SDK1: variants seen among roughly 807,000 people sequenced by gnomAD.
SDK1 encodes protein sidekick-1.
In SDK1, 157 loss-of-function variants were observed where a neutral mutation model predicts 245.5. The observed-to-expected ratio is 0.64, with a 90% CI of 0.56 to 0.73. The LOEUF (loss-of-function observed/expected upper bound fraction) is 0.73, where lower values mean the gene tolerates loss of function less well. Ranked by LOEUF, SDK1 falls within the 30% of genes least tolerant of loss-of-function variation. The probability of loss-of-function intolerance (pLI) is 0.00; values close to 1 mark genes in which losing one functional copy is unlikely to be tolerated. For synonymous variants in SDK1, 1,647 were observed against 1,278.5 expected, an observed-to-expected ratio of 1.29 and a Z score of -6.15; for missense variants, 3,583 against 3,002.3, an observed-to-expected ratio of 1.19 and a Z score of -4.52.
At chr7:4,115,391 G>A (rs1454211442) in intron 25 of SDK1, among the ~76,000 whole-genome samples, 1 of 152,170 alleles carries the variant, frequency 6.6e-6, no homozygotes, top group East Asian at 1.9e-4. Flanking sequence ...ATGGTGAACT[G>A]GGTCAGTGGC....
At chr7:3,414,596 T>C (rs1779309971) in intron 1 of SDK1, among the ~76,000 whole-genome samples, 1 of 152,198 alleles carries the variant, frequency 6.6e-6, no homozygotes, top group African/African-American at 2.4e-5. Flanking sequence ...CTTTGAGAGA[T>C]AATTTGTCTA....
chr7:3,663,011 G>C (rs930423683), intron 4 of SDK1, among the ~76,000 whole-genome samples: 6 of 152,214 alleles, frequency 3.9e-5, no homozygotes, highest in African/African-American at 1.4e-4. Context: ...TGCATGCATA[G>C]ATGTGTATGC....
At chr7:3,626,964 G>C (rs1265380558) in intron 2 of SDK1, among the ~76,000 whole-genome samples, 1 of 151,032 alleles carries the variant, frequency 6.6e-6, no homozygotes, top group Non-Finnish European at 1.5e-5. Context: ...GTCTTGCTTT[G>C]TTGCCCACGC....
At chr7:3,838,563 C>T (rs1436839320) in intron 5 of SDK1, among the ~76,000 whole-genome samples, 1 of 152,210 alleles carries the variant, frequency 6.6e-6, no homozygotes, top group African/African-American at 2.4e-5. Context: ...AAACAAAGCC[C>T]TGCTTGGCAG....
intron 1 of SDK1, among the ~76,000 whole-genome samples, chr7:3,398,289 A>G (rs778650590): frequency 6.6e-6 from 1 of 152,062 alleles, no homozygotes; most frequent in Non-Finnish European, 1.5e-5. Flanking sequence ...CTGTTGTTCT[A>G]TTAGAGCCCT....
intron 1 of SDK1, among the ~76,000 whole-genome samples, chr7:3,458,667 T>C (rs1780743250): frequency 1.3e-5 from 2 of 152,158 alleles, no homozygotes; most frequent in South Asian, 4.1e-4. Context: ...TCATGATTTA[T>C]TGTTTTCTAT....
chr7:3,495,503 C>T (rs377190711), intron 1 of SDK1, among the ~76,000 whole-genome samples: 22 of 152,166 alleles, frequency 1.4e-4, no homozygotes, highest in Admixed American at 5.9e-4. Context: ...AAGAGATCCT[C>T]CCGCCTCAGC....
intron 1 of SDK1, among the ~76,000 whole-genome samples, chr7:3,515,644 T>A (rs1045182655): frequency 6.6e-6 from 1 of 152,220 alleles, no homozygotes; most frequent in African/African-American, 2.4e-5. Flanking sequence ...GTAACTTTCG[T>A]GTTTTAGTAT....
intron 43 of SDK1, among the ~76,000 whole-genome samples, chr7:4,245,049 A>G (rs572913259): frequency 1.3e-5 from 2 of 152,248 alleles, no homozygotes; most frequent in South Asian, 4.2e-4. Context: ...ATTTAATGTA[A>G]CCGAGTCTTC....
chr7:4,028,276 A>G (rs1480812043), intron 17 of SDK1, among the ~76,000 whole-genome samples: 1 of 152,198 alleles, frequency 6.6e-6, no homozygotes, highest in African/African-American at 2.4e-5. Flanking sequence ...AGGTAGAAGA[A>G]TGTAATACCA....
intron 1 of SDK1, among the ~76,000 whole-genome samples, chr7:3,392,044 A>C (rs1319685621): frequency 6.6e-6 from 1 of 151,766 alleles, no homozygotes; most frequent in African/African-American, 2.4e-5. Flanking sequence ...TATGGAGACA[A>C]ATAAATGCAC....
At chr7:3,701,123 A>C (rs1784727593) in intron 4 of SDK1, among the ~76,000 whole-genome samples, 1 of 152,232 alleles carries the variant, frequency 6.6e-6, no homozygotes, top group Non-Finnish European at 1.5e-5. Context: ...TAAGATCAAC[A>C]TACAAAAATC....
chr7:3,970,970 G>T (rs1486902718), intron 11 of SDK1, among the ~76,000 whole-genome samples: 2 of 152,100 alleles, frequency 1.3e-5, no homozygotes, highest in Non-Finnish European at 2.9e-5. Flanking sequence ...GGGGGAGGTG[G>T]GCAAGTCACT....
intron 4 of SDK1, among the ~76,000 whole-genome samples, chr7:3,736,493 T>C (rs922264990): frequency 3.9e-5 from 6 of 152,084 alleles, no homozygotes; most frequent in Non-Finnish European, 8.8e-5. Flanking sequence ...AGGATGGTCT[T>C]GATCTCCTGC....
intron 4 of SDK1, among the ~76,000 whole-genome samples, chr7:3,819,833 T>G (rs1779598547): frequency 6.6e-6 from 1 of 152,194 alleles, no homozygotes; most frequent in South Asian, 2.1e-4. Context: ...CAAGAGTTTT[T>G]GAAAAAGCTC....
At chr7:4,057,101 G>T (rs576448609) in intron 19 of SDK1, among the ~76,000 whole-genome samples, 1 of 152,184 alleles carries the variant, frequency 6.6e-6, no homozygotes, top group East Asian at 1.9e-4. Context: ...TGCCACCTGG[G>T]TCTGAAGCAC....
chr7:3,326,996 A>G (rs901409050), intron 1 of SDK1, among the ~76,000 whole-genome samples: 3 of 152,172 alleles, frequency 2.0e-5, no homozygotes, highest in Non-Finnish European at 4.4e-5. Context: ...GCAAAAGTGT[A>G]ATTTAGCTCT....
chr7:3,480,521 C>T (rs1042938860), intron 1 of SDK1, among the ~76,000 whole-genome samples: 5 of 152,184 alleles, frequency 3.3e-5, no homozygotes, highest in Non-Finnish European at 7.3e-5. Flanking sequence ...TTCGGTGTTC[C>T]CGATAAGCTG....
chr7:3,875,317 C>T (rs1192240242), intron 5 of SDK1, among the ~76,000 whole-genome samples: 1 of 152,228 alleles, frequency 6.6e-6, no homozygotes, highest in Non-Finnish European at 1.5e-5. Flanking sequence ...TTCTTTCCAG[C>T]TCTCTACCTC....
Sources: gnomAD v4.1 joint callset for allele counts (sites outside exome capture counted in the v4.1 genomes callset) on GRCh38, gnomAD v4.1.1 for gene constraint, MANE v1.5 for transcripts, NCBI Gene and HGNC (gene_info 2026-07-23, HGNC 2026-07-21) for gene names.